Variants in C11orf65 observed in about 807,000 individuals in gnomAD.
C11orf65 encodes the protein protein MFI.
In C11orf65, 38 loss-of-function variants were observed where a neutral mutation model predicts 35.3. The observed-to-expected ratio is 1.08, with a 90% CI of 0.83 to 1.41. The LOEUF is 1.41. Ranked by LOEUF, C11orf65 falls within the 40% of genes most tolerant of loss-of-function variation. The pLI is 0.00. For synonymous variants in C11orf65, 105 were observed against 114.4 expected (o/e 0.92, Z 0.53); for missense variants, 370 against 367.1 (o/e 1.01, Z -0.06).
At chr11:108,348,796 G>A (rs1340599297) in intron 2 of C11orf65, among the ~76,000 whole-genome samples, 2 of 151,306 alleles carry the variant, frequency 1.3e-5, no homozygotes, top group Admixed American at 6.6e-5. Context: ...AGAAAACCCT[G>A]TCTTTTTATT....
At chr11:108,420,311 A>G (rs2138874318) in intron 3 of C11orf65, among the ~76,000 whole-genome samples, 1 of 152,332 alleles carries the variant, frequency 6.6e-6, no homozygotes, top group Non-Finnish European at 1.5e-5. Flanking sequence ...CCACAGGTTT[A>G]TTAGGGCTCA....
chr11:108,417,556 A>AAAAC (rs1211768239), intron 3 of C11orf65, among the ~76,000 whole-genome samples: 3 of 151,686 alleles, frequency 2.0e-5, no homozygotes, highest in Admixed American at 6.6e-5. Context: ...CAAAAAAACA[A>AAAAC]AAACAAACAA....
In C11orf65 at chr11:108,332,490, A is replaced by G. The variant is rs147859136; in HGVS notation, c.300-923T>C. On this transcript the variant is annotated intron_variant, in intron 3 of 3. Coordinates refer to the C11orf65 transcript ENST00000524755. ...GTTCAAAATTCCTTAATATTTGTCA[A>G]AGCATAGGAGATACCAGTAGTAGTT... Among the ~76,000 whole-genome samples, 1,228 of 152,242 alleles carry G rather than the reference A, an allele frequency of 8.1e-3. 9 individuals carry two copies. The highest frequency in any genetic ancestry group is 0.025 in the African/African-American group (1,051 of 41,526).
intron 3 of C11orf65, among the ~76,000 whole-genome samples, chr11:108,413,291 A>G (rs1179107428): frequency 6.6e-6 from 1 of 152,136 alleles, no homozygotes; most frequent in Non-Finnish European, 1.5e-5. Context: ...CCATCACCCA[A>G]TTAATGTACA....
intron 2 of C11orf65, among the ~76,000 whole-genome samples, chr11:108,357,419 A>G (rs2090124644): frequency 6.6e-6 from 1 of 152,252 alleles, no homozygotes; most frequent in African/African-American, 2.4e-5. Flanking sequence ...GCAGCCGGGA[A>G]GCTCGAACTG....
chr11:108,330,405 T>C (rs779810877), downstream of C11orf65: 4 of 1,614,056 alleles, frequency 2.5e-6, no homozygotes, highest in African/African-American at 4.0e-5. Context: ...GTTTCTGAAG[T>C]CAATGGCATG....
At position 108,325,296 on chromosome 11, in the gene C11orf65, G is replaced by A. The variant is rs1173909268; in HGVS notation, c.641-16225C>T. 1.3e-6 allele frequency: 1 copy of A among 790,408 alleles called. No individual in the cohort carries two copies. Among genetic ancestry groups the A allele is most frequent in the Non-Finnish European group, 2.0e-6 (1 of 507,968 alleles). 49.0% of individuals were successfully genotyped at this position (790,408 alleles called of 1,614,324 possible). On this transcript the variant is annotated intron_variant, in intron 6 of 6. Coordinates refer to the C11orf65 transcript ENST00000525729. ...TTTCTCTTGCTTACATGAACTCTAT[G>A]TCGTGGCATTCAGATCAGTCACACA...
At chr11:108,417,668 A>G (rs530106991) in intron 3 of C11orf65, among the ~76,000 whole-genome samples, 1 of 152,254 alleles carries the variant, frequency 6.6e-6, no homozygotes, top group East Asian at 1.9e-4. Flanking sequence ...CAAATAAGAG[A>G]CAGTTGGTGT....
intron 3 of C11orf65, chr11:108,333,046 T>G: frequency 1.1e-6 from 1 of 948,432 alleles, no homozygotes; most frequent in East Asian, 2.7e-5. Context: ...GCTTCAGCAT[T>G]CCCTGGTTAC....
intron 6 of C11orf65, among the ~76,000 whole-genome samples, chr11:108,401,701 T>A (rs2138572447): frequency 6.6e-6 from 1 of 152,354 alleles, no homozygotes; most frequent in East Asian, 1.9e-4. Context: ...CTCAGTCCTT[T>A]GGATGTTAAT....
rs373701821 is a variant in C11orf65 at position 108,401,652 on chromosome 11, A to C, written c.560+3777T>G. 2.0e-5 allele frequency among the ~76,000 whole-genome samples: 3 copies of C among 152,108 alleles called. No individual in the cohort carries two copies. In the East Asian group the frequency reaches 5.8e-4, roughly 29 times the overall value. On this transcript the variant is annotated intron_variant, in intron 6 of 8. Transcript: ENST00000393084. ...CCCTGCACAGATCTCCCCCAACCCC[A>C]TGAAATGCTTAAAAGGTAACTTAAC... is the stretch of plus-strand genomic sequence containing the variant.
chr11:108,337,304 ATAAC>A (rs2086955904), intron 2 of C11orf65, among the ~76,000 whole-genome samples: 1 of 152,224 alleles, frequency 6.6e-6, no homozygotes, highest in South Asian at 2.1e-4. Context: ...TTCTGCAATA[ATAAC>A]TAACATAATA....
rs772485445 is a variant in C11orf65 at position 108,407,113 on chromosome 11, G to C, written c.211C>G (p.Arg71Gly). Residue 71 changes from arginine to glycine, a missense_variant, in exon 4 of 9, where the codon CGA becomes GGA. Physicochemically the swap from Arg to Gly is moderately radical, Grantham distance 125 (BLOSUM62 -2). Coordinates refer to ENST00000393084, the MANE Select transcript of C11orf65 (RefSeq NM_152587.5). ...LLDAAAGIHV[R>G]FRLGGVKFPP... ...ATACTTACTCCACCTAATCTGAATC[G>C]CACATGAATGCCAGCAGCAGCATCT... 1.2e-6 allele frequency: 2 copies of C among 1,609,794 alleles called. No homozygotes were observed. Among genetic ancestry groups the C allele is most frequent in the East Asian group, 4.5e-5 (2 of 44,806 alleles).
chr11:108,399,511 A>T (rs1387484417), intron 6 of C11orf65, among the ~76,000 whole-genome samples: 2 of 152,194 alleles, frequency 1.3e-5, no homozygotes, highest in South Asian at 2.1e-4. Flanking sequence ...GTCCATTTTT[A>T]GATGATGCAG....
chr11:108,362,500 G>T (rs1004864526), intron 2 of C11orf65, among the ~76,000 whole-genome samples: 2 of 149,222 alleles, frequency 1.3e-5, no homozygotes, highest in Admixed American at 6.7e-5. Context: ...ACATGCACAC[G>T]TATGTTTATT....
rs755009196 is a variant in C11orf65, at chr11:108,332,024, C to G, written c.300-457G>C. 3.0e-5 allele frequency: 49 copies of G among 1,613,728 alleles called. No individual in the cohort carries two copies. The highest frequency in any genetic ancestry group is 4.2e-5 in the Non-Finnish European group (49 of 1,179,882). On this transcript the variant is annotated intron_variant, in intron 3 of 3. Coordinates refer to the C11orf65 transcript ENST00000524755. ...ACTAAAAATGTGCCTAAACAAAGCT[C>G]TCAGCTTGATGAGGTATTTGGATTA...
At chr11:108,354,942 G>GTCT in intron 2 of C11orf65, 1 of 1,292,408 alleles carries the variant, frequency 7.7e-7, no homozygotes, top group Non-Finnish European at 1.1e-6. Context: ...TCATCAGGAA[G>GTCT]TCACTGATGT....
intron 6 of C11orf65, chr11:108,319,887 C>A: frequency 9.1e-7 from 1 of 1,104,354 alleles, no homozygotes; most frequent in Non-Finnish European, 1.4e-6. Context: ...TTTGGTGAAG[C>A]TATTTATACA....
chr11:108,417,508 C>T (rs1448899968), intron 3 of C11orf65, among the ~76,000 whole-genome samples: 2 of 151,462 alleles, frequency 1.3e-5, no homozygotes, highest in African/African-American at 2.4e-5. Flanking sequence ...GATAGTGCCA[C>T]TTCACTCTAG....
Sources: allele counts gnomAD v4.1 joint callset (sites outside exome capture counted in the v4.1 genomes callset), GRCh38; gene constraint gnomAD v4.1.1; transcripts MANE v1.5; gene names NCBI Gene and HGNC (gene_info 2026-07-23, HGNC 2026-07-21).